The following DHCR24 variants were observed in gnomAD, a reference collection of about 807,000 sequenced individuals.
DHCR24 encodes delta(24)-sterol reductase.
Under a neutral mutation model 61.2 loss-of-function variants are expected in DHCR24, and 28 were observed. That is an observed-to-expected ratio of 0.46 (90% CI 0.34 to 0.63). The LOEUF is 0.63. DHCR24 is among the 20% of genes least tolerant of loss of function. The pLI, the probability that DHCR24 is intolerant of heterozygous loss-of-function variation, is 0.01. For synonymous variants in DHCR24, 261 were observed against 275.9 expected (o/e 0.95, Z 0.54); for missense variants, 538 against 679.1 (o/e 0.79, Z 2.31).
chr1:54,886,577 G>A (rs1647097784), intron 1 of DHCR24: 1 of 1,393,422 alleles, frequency 7.2e-7, no homozygotes, highest in African/African-American at 1.4e-5. Context: ...CCTCCCGGAA[G>A]CCTTTCCTTC....
At chr1:54,886,823 G>A in intron 1 of DHCR24, 66 bp downstream of exon 1, 3 of 1,430,010 alleles carry the variant, frequency 2.1e-6, no homozygotes, top group Non-Finnish European at 2.8e-6. Flanking sequence ...TCGCCACCTC[G>A]CGTCCCGCTA....
intron 6 of DHCR24, among the ~76,000 whole-genome samples, chr1:54,855,624 C>G (rs1319740414): frequency 6.6e-6 from 1 of 152,144 alleles, no homozygotes; most frequent in African/African-American, 2.4e-5. Flanking sequence ...CGGTGACTCC[C>G]CAAAGCAGCC....
rs1044432131 is a variant in DHCR24 at position 54,887,183 on chromosome 1, C to T, written c.-64G>A. ...TCCTGTCACTGCCGCCAGCTCCGCG[C>T]CTGGCCCGCTCTGCGCCTGTAGCCC... On this transcript the variant is annotated 5_prime_UTR_variant, in exon 1 of 9. Coordinates refer to ENST00000371269, the MANE Select transcript of DHCR24 (RefSeq NM_014762.4). 6 of 1,413,960 alleles carry T rather than the reference C, an allele frequency of 4.2e-6. No homozygotes were observed. Among genetic ancestry groups the T allele is most frequent in the African/African-American group, 1.4e-5 (1 of 70,096 alleles). 87.6% of individuals were successfully genotyped at this position (1,413,960 alleles called of 1,614,324 possible).
Position 54,867,703 on chromosome 1 carries a change from C to T in DHCR24, c.877-2257G>A, listed in dbSNP as rs930104861. 6.6e-5 allele frequency among the ~76,000 whole-genome samples: 10 copies of T among 152,164 alleles called. 1 individual carries two copies. The highest frequency in any genetic ancestry group is 7.2e-5 in the African/African-American group (3 of 41,452). ...CCTACCCCTGAGAGCCTCAAGGGAA[C>T]ACCTCAGAGCAGCTGGAAAGCTCTG... On this transcript the variant is annotated intron_variant, in intron 5 of 8. Transcript: ENST00000371269.
At chr1:54,854,282 G>C in intron 6 of DHCR24, 48 bp from the exon 7 acceptor site, 2 of 1,554,316 alleles carry the variant, frequency 1.3e-6, no homozygotes, top group Non-Finnish European at 1.8e-6. Context: ...AACAAGGGTT[G>C]AATGTCTCCA....
rs140413297 is a variant in DHCR24, at chr1:54,851,923, T to C, written c.*310A>G. On this transcript the variant is annotated 3_prime_UTR_variant, in exon 9 of 9. Coordinates refer to ENST00000371269, the MANE Select transcript of DHCR24 (RefSeq NM_014762.4). ...CAGATGACAACAACCTGCAAGTAGG[T>C]ATTACTATCCCTTTCAACTAATGAA... 2 of 413,550 alleles carry C rather than the reference T, an allele frequency of 4.8e-6. No individual in the cohort carries two copies. The highest frequency in any genetic ancestry group is 4.0e-5 in the African/African-American group (2 of 49,512). The allele number at this position is 413,550 out of a possible 1,614,324, so 25.6% of individuals were successfully genotyped here. A position where few individuals can be genotyped will look rare whatever the true frequency, so the allele number is the denominator to read the frequency against.
chr1:54,882,617 A>G (rs183898427), intron 2 of DHCR24, among the ~76,000 whole-genome samples: 1 of 152,246 alleles, frequency 6.6e-6, no homozygotes, highest in Admixed American at 6.5e-5. Context: ...TGGATAAACC[A>G]GCTGTGATAC....
chr1:54,868,130 A>G (rs1024185185), intron 5 of DHCR24, among the ~76,000 whole-genome samples: 9 of 152,180 alleles, frequency 5.9e-5, no homozygotes, highest in African/African-American at 9.7e-5. Context: ...ATAGATTAAG[A>G]GTCTTAAGGG....
At chr1:54,862,569 A>T (rs1475493187) in intron 6 of DHCR24, among the ~76,000 whole-genome samples, 1 of 152,014 alleles carries the variant, frequency 6.6e-6, no homozygotes, top group Non-Finnish European at 1.5e-5. Context: ...CTAACCTGCA[A>T]GGTGTCCCAG....
chr1:54,869,620 G>A (rs906150163), intron 5 of DHCR24, among the ~76,000 whole-genome samples: 5 of 151,668 alleles, frequency 3.3e-5, no homozygotes, highest in Non-Finnish European at 4.4e-5. Context: ...AATAGGTCTC[G>A]GCTGGGTGTG....
At chr1:54,877,768 T>A (rs1202550567) in intron 2 of DHCR24, among the ~76,000 whole-genome samples, 1 of 151,874 alleles carries the variant, frequency 6.6e-6, no homozygotes, top group Admixed American at 6.6e-5. Flanking sequence ...CTCAGCACTT[T>A]GGGAGACCGA....
At position 54,872,287 on chromosome 1, in the gene DHCR24, G is replaced by A. The variant is rs530953993; in HGVS notation, c.613-674C>T. Among the ~76,000 whole-genome samples, 4 of 152,264 alleles carry A rather than the reference G, an allele frequency of 2.6e-5. No homozygotes were observed. The South Asian group carries it at 8.3e-4, about 32-fold the overall frequency. On this transcript the variant is annotated intron_variant, in intron 4 of 8. Coordinates refer to ENST00000371269, the MANE Select transcript of DHCR24 (RefSeq NM_014762.4). Reference sequence around the variant, plus strand: ...ACCTCATCTGCTTCCATAAATCAATGTCCAACCTCATCATTTTATTGTTTT... The same window carrying A: ...ACCTCATCTGCTTCCATAAATCAATATCCAACCTCATCATTTTATTGTTTT...
chr1:54,876,651 C>T (rs1483691038), intron 2 of DHCR24, among the ~76,000 whole-genome samples: 1 of 151,598 alleles, frequency 6.6e-6, no homozygotes, highest in East Asian at 2.0e-4. Flanking sequence ...GAGACTCCGT[C>T]TCAAACAAAC....
At position 54,853,410 on chromosome 1, in the gene DHCR24, CATACT is replaced by C. The variant is rs746145086; in HGVS notation, c.1397+19_1397+23del. 9.3e-6 allele frequency: 15 copies of C among 1,613,926 alleles called. No individual in the cohort carries two copies. In the Admixed American group the frequency reaches 2.5e-4, roughly 27 times the overall value. The stretch of plus-strand genomic sequence containing the variant: ...CCCTGGGGCTGTCAGCTAGAGGCAA[CATACT>C]ATACTCTGGGCCACTCACCCATGCA... On this transcript the variant is annotated intron_variant, in intron 8 of 8. Transcript: ENST00000371269.
In DHCR24 at chr1:54,883,904, G is replaced by T; in HGVS notation, c.232-131C>A. The T allele has an allele frequency of 7.8e-7, 1 of 1,283,782 alleles. No individual in the cohort carries two copies. Among genetic ancestry groups the T allele is most frequent in the Non-Finnish European group, 1.1e-6 (1 of 915,054 alleles). The allele number at this position is 1,283,782 out of a possible 1,614,324, so 79.5% of individuals were successfully genotyped here. A position where few individuals can be genotyped will look rare whatever the true frequency, so the allele number is the denominator to read the frequency against. On this transcript the variant is annotated intron_variant, in intron 1 of 8. Transcript: ENST00000371269. This position sits in a 1 kb window ranked among gnomAD's most constrained non-coding sequence, Gnocchi z 4.3. ...CACTGGAGAAACAGAACAATGAAAA[G>T]GCCTGCTGGCCCTACCCTCTGGCAC... is the stretch of plus-strand genomic sequence containing the variant.
intron 5 of DHCR24, among the ~76,000 whole-genome samples, chr1:54,866,215 G>A (rs1034120148): frequency 3.9e-5 from 6 of 152,030 alleles, no homozygotes; most frequent in African/African-American, 1.5e-4. Context: ...TGGGCAGCTG[G>A]GGACACACCC....
intron 6 of DHCR24, among the ~76,000 whole-genome samples, chr1:54,856,112 G>C (rs77555020): frequency 0.011 from 1,748 of 152,314 alleles, 27 homozygotes; most frequent in East Asian, 0.038. Context: ...TCAATACAGA[G>C]GGCACTACTG....
At chr1:54,859,578 C>T (rs926995600) in intron 6 of DHCR24, among the ~76,000 whole-genome samples, 2 of 152,054 alleles carry the variant, frequency 1.3e-5, no homozygotes, top group Non-Finnish European at 2.9e-5. Flanking sequence ...GGTTCTCCTG[C>T]CTCAGCCTCC....
At chr1:54,886,791 C>T in intron 1 of DHCR24, 98 bp downstream of exon 1, 1 of 1,537,884 alleles carries the variant, frequency 6.5e-7, no homozygotes, top group South Asian at 1.2e-5. Context: ...AAGTCCTGGC[C>T]GCCCCCGCAC....
Sources: gnomAD v4.1 joint callset for allele counts (sites outside exome capture counted in the v4.1 genomes callset) on GRCh38, gnomAD v4.1.1 for gene constraint, Gnocchi (gnomAD v3.1) non-coding constraint, MANE v1.5 for transcripts, NCBI Gene and HGNC (gene_info 2026-07-23, HGNC 2026-07-21) for gene names.